The following TTC28 variants were observed in gnomAD, a reference collection of about 807,000 sequenced individuals.
TTC28 encodes tetratricopeptide repeat domain 28.
In TTC28, 61 loss-of-function variants were observed where a neutral mutation model predicts 198.0. The ratio of observed to expected loss-of-function variants is 0.31; its 90% CI spans 0.25 to 0.38. The LOEUF (loss-of-function observed/expected upper bound fraction) is 0.38. Among genes scored for constraint, TTC28 ranks in the 10% least tolerant of loss-of-function variants. The probability of loss-of-function intolerance (pLI) is 1.00; values close to 1 mark genes in which losing one functional copy is unlikely to be tolerated. For synonymous variants in TTC28, 1,171 were observed against 1,297.8 expected, an observed-to-expected ratio of 0.90 and a Z score of 2.10; for missense variants, 2,678 against 3,164.0, an observed-to-expected ratio of 0.85 and a Z score of 3.69.
rs147201344 is a variant in TTC28, at chr22:28,040,673, T to C, written c.3933-10307A>G. 9.6e-3 allele frequency among the ~76,000 whole-genome samples: 1,466 copies of C among 152,122 alleles called. 26 individuals are homozygous for C. Among genetic ancestry groups the C allele is most frequent in the African/African-American group, 0.033 (1,365 of 41,484 alleles). Reference sequence around the variant, plus strand: ...TGTAAGCATTCCCTTTGAAAACCGGTACAAGAAAAGGATGCCCTCTGTCAC... The same window carrying C: ...TGTAAGCATTCCCTTTGAAAACCGGCACAAGAAAAGGATGCCCTCTGTCAC... On this transcript the variant is annotated intron_variant, in intron 12 of 22. Coordinates refer to ENST00000397906, the MANE Select transcript of TTC28 (RefSeq NM_001145418.2).
chr22:28,391,413 C>A (rs908682406), intron 2 of TTC28, among the ~76,000 whole-genome samples: 36 of 152,190 alleles, frequency 2.4e-4, no homozygotes, highest in African/African-American at 8.7e-4. Context: ...GGGAAGTTCT[C>A]CTGGATGATA....
At chr22:28,365,620 G>A (rs1456448388) in intron 2 of TTC28, among the ~76,000 whole-genome samples, 1 of 152,186 alleles carries the variant, frequency 6.6e-6, no homozygotes, top group Non-Finnish European at 1.5e-5. Context: ...TGCAAATGCT[G>A]GAAGAACAGA....
intron 6 of TTC28, among the ~76,000 whole-genome samples, chr22:28,148,473 C>T (rs995643347): frequency 3.3e-5 from 5 of 152,028 alleles, no homozygotes; most frequent in African/African-American, 9.7e-5. Context: ...GTTAGCTAGG[C>T]GCGGTGGCGG....
chr22:28,160,274 T>C (rs1416749007), intron 6 of TTC28, among the ~76,000 whole-genome samples: 1 of 152,248 alleles, frequency 6.6e-6, no homozygotes, highest in African/African-American at 2.4e-5. Flanking sequence ...TTCTCCATGA[T>C]ATGATTATTT....
At chr22:28,325,211 T>TA (rs1327936785) in intron 2 of TTC28, among the ~76,000 whole-genome samples, 8 of 152,314 alleles carry the variant, frequency 5.3e-5, no homozygotes, top group South Asian at 2.1e-4. Flanking sequence ...TGGGAGGGTG[T>TA]ATGTGTTCAG....
At chr22:28,468,706 T>TTA in intron 2 of TTC28, among the ~76,000 whole-genome samples, 1 of 148,902 alleles carries the variant, frequency 6.7e-6, no homozygotes, top group East Asian at 2.0e-4. Context: ...TTTTTTTTTT[T>TTA]TTTTGTATTT....
rs190928630 is a variant in TTC28 at position 28,102,321 on chromosome 22, G to C, written c.3308-1041C>G. On this transcript the variant is annotated intron_variant, in intron 8 of 22. Coordinates refer to ENST00000397906, the MANE Select transcript of TTC28 (RefSeq NM_001145418.2). ...TAAGATTTTGATGTGCCTCAGCGGG[G>C]TTGCAAAACAAGTGCTATTATGAGG... Among the ~76,000 whole-genome samples the C allele has an allele frequency of 1.6e-3, 251 of 152,244 alleles. 2 individuals are homozygous for C. The highest frequency in any genetic ancestry group is 5.8e-3 in the African/African-American group (240 of 41,540).
chr22:28,044,892 A>T (rs1939802645), intron 12 of TTC28, among the ~76,000 whole-genome samples: 1 of 152,202 alleles, frequency 6.6e-6, no homozygotes, highest in African/African-American at 2.4e-5. Context: ...TTAAAGGAGA[A>T]ATACAGGTTT....
chr22:28,357,391 C>T (rs1270314217), intron 2 of TTC28, among the ~76,000 whole-genome samples: 3 of 145,736 alleles, frequency 2.1e-5, no homozygotes, highest in African/African-American at 7.7e-5. Flanking sequence ...TCATAGCTCA[C>T]TGCAGCTGTA....
At position 28,156,841 on chromosome 22, in the gene TTC28, C is replaced by T. The variant is rs902467717; in HGVS notation, c.1441+6251G>A. On this transcript the variant is annotated intron_variant, in intron 6 of 22. Coordinates refer to ENST00000397906, the MANE Select transcript of TTC28 (RefSeq NM_001145418.2). ...TTAAATTTATAGCTATAAGTGCCTA[C>T]CTCAAAAAGGAAGAAAAACTTCAAA... Among the ~76,000 whole-genome samples, 3 of 151,996 alleles carry T rather than the reference C, an allele frequency of 2.0e-5. No individual in the cohort carries two copies. In the East Asian group the frequency reaches 5.8e-4, roughly 29 times the overall value.
At chr22:28,433,704 A>G (rs2047470967) in intron 2 of TTC28, among the ~76,000 whole-genome samples, 1 of 152,176 alleles carries the variant, frequency 6.6e-6, no homozygotes, top group Admixed American at 6.5e-5. Flanking sequence ...GCAATTGCAT[A>G]TGCTCTCCAG....
intron 5 of TTC28, among the ~76,000 whole-genome samples, chr22:28,263,276 T>C (rs764203578): frequency 1.3e-5 from 2 of 152,172 alleles, no homozygotes; most frequent in Non-Finnish European, 2.9e-5. Flanking sequence ...TGAAATATGT[T>C]TTAATCCTCA....
intron 12 of TTC28, among the ~76,000 whole-genome samples, chr22:28,083,092 A>C (rs1191486404): frequency 1.3e-5 from 2 of 148,870 alleles, no homozygotes. Flanking sequence ...TTTTTGTCTT[A>C]AGCAACTAGT....
At chr22:28,370,850 C>T (rs139903560) in intron 2 of TTC28, among the ~76,000 whole-genome samples, 5 of 152,278 alleles carry the variant, frequency 3.3e-5, no homozygotes, top group Middle Eastern at 3.4e-3. Context: ...GCAGCATTAG[C>T]GGTGCATGAC....
At chr22:28,043,257 A>AAAAG (rs1939733740) in intron 12 of TTC28, among the ~76,000 whole-genome samples, 1 of 150,276 alleles carries the variant, frequency 6.7e-6, no homozygotes, top group Admixed American at 6.6e-5. Flanking sequence ...AAAAAAAAAA[A>AAAAG]AAAAAAAAAA....
chr22:28,304,679 G>C (rs775414264), intron 3 of TTC28, among the ~76,000 whole-genome samples: 2 of 152,140 alleles, frequency 1.3e-5, no homozygotes, highest in Non-Finnish European at 2.9e-5. Flanking sequence ...TATCTAAATA[G>C]ATCGCTTCAA....
At chr22:28,424,450 A>G (rs572080871) in intron 2 of TTC28, among the ~76,000 whole-genome samples, 1 of 152,184 alleles carries the variant, frequency 6.6e-6, no homozygotes, top group African/African-American at 2.4e-5. Context: ...TACTTGGAAC[A>G]TTGTATTATA....
At chr22:28,303,857 A>AC (rs1491255301) in intron 3 of TTC28, 4 of 63,872 alleles carry the variant, frequency 6.3e-5, no homozygotes, top group African/African-American at 1.8e-4. Flanking sequence ...TTTAAAATAC[A>AC]AAAAAAAAAA....
At chr22:28,256,723 T>C (rs1338627343) in intron 5 of TTC28, among the ~76,000 whole-genome samples, 2 of 152,008 alleles carry the variant, frequency 1.3e-5, no homozygotes, top group East Asian at 3.9e-4. Flanking sequence ...TAAAAAACAA[T>C]GACAACAACA....
Sources: allele counts gnomAD v4.1 joint callset (sites outside exome capture counted in the v4.1 genomes callset), GRCh38; gene constraint gnomAD v4.1.1; transcripts MANE v1.5; gene names NCBI Gene and HGNC (gene_info 2026-07-23, HGNC 2026-07-21).